GRM7: variants seen among roughly 807,000 people sequenced by gnomAD.
The protein encoded by GRM7 is glutamate metabotropic receptor 7, also known as metabotropic glutamate receptor 7.
In GRM7, 35 loss-of-function variants were observed where a neutral mutation model predicts 84.5. The ratio of observed to expected loss-of-function variants is 0.41; its 90% CI spans 0.32 to 0.55. The LOEUF is 0.55. Ranked by LOEUF, GRM7 falls within the 20% of genes least tolerant of loss-of-function variation. The pLI, the probability that GRM7 is intolerant of heterozygous loss-of-function variation, is 0.19. For synonymous variants in GRM7, 487 were observed against 455.1 expected, an observed-to-expected ratio of 1.07 and a Z score of -0.89; for missense variants, 1,003 against 1,194.6, an observed-to-expected ratio of 0.84 and a Z score of 2.36.
At position 7,669,849 on chromosome 3, in the gene GRM7, A is replaced by G. The variant is rs993289991; in HGVS notation, c.2452-10200A>G. On this transcript the variant is annotated intron_variant, in intron 8 of 9. Transcript: ENST00000357716. ...AGGATGGGCATCATTTTCCTGCCCA[A>G]TCTCAAAGCTCTCACTGTTCCATTT... Among the ~76,000 whole-genome samples, 12 of 152,220 alleles carry G rather than the reference A, an allele frequency of 7.9e-5. 1 individual carries two copies. The highest frequency in any genetic ancestry group is 2.9e-4 in the African/African-American group (12 of 41,458).
intron 7 of GRM7, among the ~76,000 whole-genome samples, chr3:7,503,426 T>C (rs1353289627): frequency 6.6e-6 from 1 of 151,850 alleles, no homozygotes; most frequent in Non-Finnish European, 1.5e-5. Context: ...TTTGCCTGAG[T>C]CCTCCTTATG....
intron 1 of GRM7, 100 bp from the exon 2 acceptor site, chr3:7,146,352 G>A: frequency 1.1e-6 from 1 of 909,312 alleles, no homozygotes; most frequent in Middle Eastern, 3.4e-4. Context: ...TATCTCCTTT[G>A]CAGCTCAAAC....
At chr3:7,148,368 A>T (rs1694174557) in intron 2 of GRM7, among the ~76,000 whole-genome samples, 1 of 152,222 alleles carries the variant, frequency 6.6e-6, no homozygotes, top group African/African-American at 2.4e-5. Flanking sequence ...CAAAGGGCAG[A>T]TGCCAGTTTG....
At chr3:7,206,540 C>A (rs1696245411) in intron 2 of GRM7, among the ~76,000 whole-genome samples, 1 of 152,204 alleles carries the variant, frequency 6.6e-6, no homozygotes, top group African/African-American at 2.4e-5. Flanking sequence ...AAGCCAACCT[C>A]CTTTATTCCC....
intron 1 of GRM7, among the ~76,000 whole-genome samples, chr3:6,969,543 A>G (rs1693655777): frequency 6.6e-6 from 1 of 152,198 alleles, no homozygotes; most frequent in African/African-American, 2.4e-5. Flanking sequence ...TTAGGGCACT[A>G]TAAAGAGCTC....
Position 6,863,125 on chromosome 3 carries a change from G to GTTTT in GRM7, c.519+1225_519+1228dup. 1.3e-5 allele frequency: 4 copies of GTTTT among 305,898 alleles called. No homozygotes were observed. The highest frequency in any genetic ancestry group is 2.6e-5 in the Non-Finnish European group (4 of 154,100). 18.9% of individuals were successfully genotyped at this position (305,898 alleles called of 1,614,324 possible). On this transcript the variant is annotated intron_variant, in intron 1 of 9. Transcript: ENST00000357716. This position sits in a 1 kb window ranked among gnomAD's most constrained non-coding sequence, Gnocchi z 4.8. The stretch of plus-strand genomic sequence containing the variant: ...CTCTTTCTGTCTCTGTCTCCTTGCT[G>GTTTT]TTTTTTTTTTCTCTCTGTTTTTTCT...
intron 8 of GRM7, among the ~76,000 whole-genome samples, chr3:7,600,616 C>T (rs914629185): frequency 9.2e-5 from 14 of 152,266 alleles, no homozygotes; most frequent in Non-Finnish European, 1.8e-4. Flanking sequence ...CCTCTCTGGG[C>T]ATCAGTTTCC....
At chr3:7,016,931 C>G (rs1695587013) in intron 1 of GRM7, among the ~76,000 whole-genome samples, 1 of 152,128 alleles carries the variant, frequency 6.6e-6, no homozygotes. Flanking sequence ...TGCTCCTTAA[C>G]TTGTTGTTTG....
intron 1 of GRM7, among the ~76,000 whole-genome samples, chr3:7,050,964 C>T (rs1014989701): frequency 6.6e-6 from 1 of 151,792 alleles, no homozygotes; most frequent in African/African-American, 2.4e-5. Context: ...ATTGTGTAAG[C>T]TCCACAGGAC....
intron 2 of GRM7, among the ~76,000 whole-genome samples, chr3:7,227,693 A>G (rs968288789): frequency 2.0e-5 from 3 of 152,210 alleles, no homozygotes; most frequent in African/African-American, 7.2e-5. Flanking sequence ...AAAAATTTAC[A>G]GCTATTCTTT....
rs1457526482 is a variant in GRM7, at chr3:7,018,907, G to A, written c.520-127545G>A. ...AGGTTAGGAGTTCGAGACCAGCCTG[G>A]CCAGCATGGTGAAACCCCATCTCTA... On this transcript the variant is annotated intron_variant, in intron 1 of 9. Transcript: ENST00000357716. 2.6e-5 allele frequency among the ~76,000 whole-genome samples: 4 copies of A among 152,146 alleles called. No individual in the cohort carries two copies. The South Asian group carries it at 8.3e-4, about 32-fold the overall frequency.
intron 1 of GRM7, among the ~76,000 whole-genome samples, chr3:6,876,430 C>T (rs1489485755): frequency 6.6e-6 from 1 of 151,920 alleles, no homozygotes; most frequent in African/African-American, 2.4e-5. Context: ...TGGATTGTTT[C>T]ATCCAAGTTT....
At chr3:7,298,652 T>G in intron 2 of GRM7, 32 bp from the exon 3 acceptor site, 1 of 1,600,788 alleles carries the variant, frequency 6.2e-7, no homozygotes, top group Non-Finnish European at 8.5e-7. Flanking sequence ...TGTGGAAACA[T>G]TATTGACACT....
intron 7 of GRM7, among the ~76,000 whole-genome samples, chr3:7,478,526 A>G (rs921303614): frequency 4.5e-4 from 69 of 152,236 alleles, no homozygotes; most frequent in Non-Finnish European, 8.1e-4. Flanking sequence ...TGCCAAGAGC[A>G]TTACATTTCA....
chr3:7,183,102 G>T (rs1695398661), intron 2 of GRM7, among the ~76,000 whole-genome samples: 1 of 151,994 alleles, frequency 6.6e-6, no homozygotes. Context: ...CTTGTTTCAA[G>T]ACATTGTGGT....
intron 1 of GRM7, among the ~76,000 whole-genome samples, chr3:6,981,282 C>T (rs1694189380): frequency 6.6e-6 from 1 of 152,160 alleles, no homozygotes; most frequent in African/African-American, 2.4e-5. Flanking sequence ...TAGTTACACG[C>T]ACTGTCTAAA....
At chr3:6,906,284 C>G (rs892736773) in intron 1 of GRM7, among the ~76,000 whole-genome samples, 2 of 152,152 alleles carry the variant, frequency 1.3e-5, no homozygotes, top group Non-Finnish European at 2.9e-5. Context: ...GCTGTTATCT[C>G]ACTGGGCAGC....
intron 9 of GRM7, among the ~76,000 whole-genome samples, chr3:7,692,873 G>T (rs1430449397): frequency 1.3e-5 from 2 of 152,016 alleles, no homozygotes; most frequent in Non-Finnish European, 2.9e-5. Flanking sequence ...GATTCTAGAG[G>T]CCCTCAGTTT....
intron 1 of GRM7, among the ~76,000 whole-genome samples, chr3:6,966,972 TGAA>T (rs1693544596): frequency 6.6e-6 from 1 of 152,140 alleles, no homozygotes; most frequent in Non-Finnish European, 1.5e-5. Context: ...AAAATAATGA[TGAA>T]GATTAGAGTT....
Sources: allele counts gnomAD v4.1 joint callset (sites outside exome capture counted in the v4.1 genomes callset), GRCh38; gene constraint gnomAD v4.1.1; non-coding constraint Gnocchi (gnomAD v3.1); transcripts MANE v1.5; gene names NCBI Gene and HGNC (gene_info 2026-07-23, HGNC 2026-07-21).